Variants in BCL2L13 observed in about 807,000 individuals in gnomAD.
The protein encoded by BCL2L13 is BCL2 like 13, also known as bcl-2-like protein 13.
A neutral mutation model predicts 25.8 loss-of-function variants in BCL2L13; 13 were observed. That is an observed-to-expected ratio of 0.50 (90% CI 0.33 to 0.80). BCL2L13 has a LOEUF of 0.80. BCL2L13 is among the 30% of genes least tolerant of loss of function. The probability of loss-of-function intolerance (pLI) is 0.02; values close to 1 mark genes in which losing one functional copy is unlikely to be tolerated. For missense variants in BCL2L13, 504 were observed against 574.9 expected, an observed-to-expected ratio of 0.88 and a Z score of 1.26; for synonymous variants, 244 against 230.3, an observed-to-expected ratio of 1.06 and a Z score of -0.54.
chr22:17,681,961 C>CACAT (rs772848462), intron 2 of BCL2L13, among the ~76,000 whole-genome samples: 36 of 152,226 alleles, frequency 2.4e-4, no homozygotes, highest in Non-Finnish European at 3.7e-4. Flanking sequence ...TGTGTATATA[C>CACAT]ACATACATAC....
In BCL2L13 at chr22:17,721,853, G is replaced by A. The variant is rs192894223; in HGVS notation, c.601-4824G>A. Among the ~76,000 whole-genome samples, 370 of 151,332 alleles carry A rather than the reference G, an allele frequency of 2.4e-3. 1 individual carries two copies. The highest frequency in any genetic ancestry group is 8.8e-3 in the African/African-American group (362 of 41,234). ...TTTTTTATGTTTTTAGTAGAGACGGGGTTTCACCGTGTTAGCCAGGATGGT... is the reference window on the plus strand; with the variant it reads ...TTTTTTATGTTTTTAGTAGAGACGGAGTTTCACCGTGTTAGCCAGGATGGT... On this transcript the variant is annotated intron_variant, in intron 6 of 6. Transcript: ENST00000317582.
At chr22:17,662,251 G>A (rs1668867208) in intron 2 of BCL2L13, among the ~76,000 whole-genome samples, 1 of 152,172 alleles carries the variant, frequency 6.6e-6, no homozygotes, top group Admixed American at 6.6e-5. Flanking sequence ...GGCCAAGGCG[G>A]GCGGATCACG....
intron 1 of BCL2L13, among the ~76,000 whole-genome samples, chr22:17,643,179 G>C (rs898268984): frequency 1.8e-4 from 28 of 152,308 alleles, no homozygotes; most frequent in African/African-American, 6.7e-4. Context: ...AATTGGAAAG[G>C]GGGTAGTGTC....
intron 6 of BCL2L13, among the ~76,000 whole-genome samples, chr22:17,705,594 G>A (rs917801940): frequency 2.0e-5 from 3 of 152,020 alleles, no homozygotes; most frequent in African/African-American, 7.2e-5. Context: ...ACCGCGCCCG[G>A]CCGATATTGC....
chr22:17,661,283 G>A (rs1423363991), intron 2 of BCL2L13, among the ~76,000 whole-genome samples: 1 of 145,088 alleles, frequency 6.9e-6, no homozygotes, highest in African/African-American at 2.4e-5. Context: ...AGTAGAGACA[G>A]GGTTTCACTG....
chr22:17,661,558 A>G (rs1435643467), intron 2 of BCL2L13, among the ~76,000 whole-genome samples: 1 of 146,158 alleles, frequency 6.8e-6, no homozygotes, highest in Non-Finnish European at 1.6e-5. Context: ...CATCAGAAGC[A>G]ATTGCTTTTA....
intron 6 of BCL2L13, among the ~76,000 whole-genome samples, chr22:17,711,379 C>T (rs2060756835): frequency 6.9e-6 from 1 of 145,282 alleles, no homozygotes; most frequent in African/African-American, 2.6e-5. Flanking sequence ...CTCACTGCAT[C>T]CTTTACCTCC....
chr22:17,690,316 A>T (rs2060068491), intron 4 of BCL2L13, among the ~76,000 whole-genome samples: 1 of 146,004 alleles, frequency 6.8e-6, no homozygotes, highest in African/African-American at 2.5e-5. Context: ...ACAGAGGGAG[A>T]CTCCATCTGA....
chr22:17,724,655 T>G (rs965985177), intron 6 of BCL2L13, among the ~76,000 whole-genome samples: 1 of 152,212 alleles, frequency 6.6e-6, no homozygotes, highest in Admixed American at 6.5e-5. Flanking sequence ...TAGAAAGTTT[T>G]TGGTTTTGGT....
chr22:17,630,906 T>C (rs1356344461), intron 1 of BCL2L13, among the ~76,000 whole-genome samples: 2 of 151,584 alleles, frequency 1.3e-5, no homozygotes. Flanking sequence ...CTTTTTTTAA[T>C]AACCTTACTT....
At chr22:17,666,678 CT>C (rs35623813) in intron 2 of BCL2L13, among the ~76,000 whole-genome samples, 97 of 121,372 alleles carry the variant, frequency 8.0e-4, no homozygotes, top group African/African-American at 1.0e-3. Flanking sequence ...GGACCTCATT[CT>C]TTTTTTTTTT....
intron 1 of BCL2L13, among the ~76,000 whole-genome samples, chr22:17,652,957 C>T (rs544404594): frequency 2.0e-5 from 3 of 151,910 alleles, no homozygotes; most frequent in South Asian, 4.2e-4. Context: ...CCCAGCTACT[C>T]GGGAGGCTGA....
chr22:17,687,750 C>G (rs2059986710), intron 3 of BCL2L13, among the ~76,000 whole-genome samples: 1 of 151,586 alleles, frequency 6.6e-6, no homozygotes, highest in Admixed American at 6.6e-5. Flanking sequence ...ATCTCCTGAC[C>G]TCGTGATCTG....
chr22:17,705,675 A>G (rs1279558666), intron 6 of BCL2L13, among the ~76,000 whole-genome samples: 5 of 152,136 alleles, frequency 3.3e-5, no homozygotes, highest in Non-Finnish European at 5.9e-5. Context: ...TCCTTAAGAT[A>G]CTGTGTGCTG....
chr22:17,646,737 T>TTTTG, intron 1 of BCL2L13, among the ~76,000 whole-genome samples: 1 of 138,242 alleles, frequency 7.2e-6, no homozygotes, highest in Non-Finnish European at 1.6e-5. Flanking sequence ...TTTTTTTTTT[T>TTTTG]GAGATAGAGT....
chr22:17,640,238 C>A (rs2146378622), intron 1 of BCL2L13, among the ~76,000 whole-genome samples: 1 of 152,278 alleles, frequency 6.6e-6, no homozygotes, highest in East Asian at 1.9e-4. Context: ...GTGAAGTATT[C>A]TTCATTTGGT....
At chr22:17,660,015 C>T (rs1377144092) in intron 2 of BCL2L13, among the ~76,000 whole-genome samples, 3 of 146,020 alleles carry the variant, frequency 2.1e-5, no homozygotes, top group African/African-American at 7.3e-5. Context: ...GCCACTGCGC[C>T]GAGCTCATTT....
At chr22:17,656,679 C>T (rs1411112918) in intron 2 of BCL2L13, among the ~76,000 whole-genome samples, 1 of 151,930 alleles carries the variant, frequency 6.6e-6, no homozygotes, top group Non-Finnish European at 1.5e-5. Flanking sequence ...ATTTCCAAAG[C>T]ACCTGCAGCC....
chr22:17,657,823 C>CT (rs71201859), intron 2 of BCL2L13, among the ~76,000 whole-genome samples: 12,581 of 85,052 alleles, frequency 0.15, 1,529 homozygotes, highest in Non-Finnish European at 0.2. Flanking sequence ...GTTGACATTT[C>CT]TTTTTTTTTT....
Sources: allele counts gnomAD v4.1 joint callset (sites outside exome capture counted in the v4.1 genomes callset), GRCh38; gene constraint gnomAD v4.1.1; transcripts MANE v1.5; gene names NCBI Gene and HGNC (gene_info 2026-07-23, HGNC 2026-07-21).